The following NEO1 variants were observed in gnomAD, a reference collection of about 807,000 sequenced individuals.
The protein encoded by NEO1 is neogenin 1.
In NEO1, 63 loss-of-function variants were observed where a neutral mutation model predicts 159.7. The observed-to-expected ratio is 0.39, with a 90% CI of 0.32 to 0.49. The LOEUF (loss-of-function observed/expected upper bound fraction) is 0.49, where lower values mean the gene tolerates loss of function less well. Ranked by LOEUF, NEO1 falls within the 20% of genes least tolerant of loss-of-function variation. NEO1 has a pLI of 0.85. For synonymous variants in NEO1, 633 were observed against 662.0 expected, an observed-to-expected ratio of 0.96 and a Z score of 0.67; for missense variants, 1,615 against 1,831.0, an observed-to-expected ratio of 0.88 and a Z score of 2.15.
At chr15:73,209,438 G>A (rs2152082204) in intron 7 of NEO1, among the ~76,000 whole-genome samples, 1 of 152,264 alleles carries the variant, frequency 6.6e-6, no homozygotes, top group East Asian at 1.9e-4. Context: ...TGCTTCATTT[G>A]AATGTCTTTA....
At chr15:73,088,027 C>A (rs2069461255) in intron 1 of NEO1, among the ~76,000 whole-genome samples, 1 of 151,998 alleles carries the variant, frequency 6.6e-6, no homozygotes, top group African/African-American at 2.4e-5. Context: ...TAAGGCTGCT[C>A]ACACACATTG....
At chr15:73,249,780 G>A in intron 11 of NEO1, 59 bp downstream of exon 11, 1 of 1,525,466 alleles carries the variant, frequency 6.6e-7, no homozygotes, top group Non-Finnish European at 8.8e-7. Flanking sequence ...TGGTTTAGTT[G>A]TAAGATCATG....
At chr15:73,152,284 G>A (rs1346944111) in intron 5 of NEO1, among the ~76,000 whole-genome samples, 1 of 152,124 alleles carries the variant, frequency 6.6e-6, no homozygotes, top group African/African-American at 2.4e-5. Context: ...ATCTTCCCCA[G>A]CCTTTCTGAT....
At chr15:73,152,302 T>G (rs1381443826) in intron 5 of NEO1, among the ~76,000 whole-genome samples, 1 of 152,120 alleles carries the variant, frequency 6.6e-6, no homozygotes, top group Admixed American at 6.5e-5. Flanking sequence ...GATGGTGGGT[T>G]TTAGGACCCT....
At chr15:73,087,963 G>GTT (rs550433671) in intron 1 of NEO1, among the ~76,000 whole-genome samples, 1 of 151,728 alleles carries the variant, frequency 6.6e-6, no homozygotes. Flanking sequence ...TCTTTTATGT[G>GTT]TTTTTTTCCT....
intron 5 of NEO1, among the ~76,000 whole-genome samples, chr15:73,171,612 CTATTAT>C (rs10549726): frequency 0.082 from 11,441 of 138,848 alleles, 510 homozygotes; most frequent in African/African-American, 0.12. Flanking sequence ...TATTAAGAAA[CTATTAT>C]TATTATTATT....
intron 5 of NEO1, among the ~76,000 whole-genome samples, chr15:73,175,314 A>G (rs2035218852): frequency 6.6e-6 from 1 of 152,194 alleles, no homozygotes; most frequent in African/African-American, 2.4e-5. Flanking sequence ...AATTTTAAAA[A>G]ATTTAAAGTA....
At chr15:73,223,158 G>T (rs2038385034) in intron 7 of NEO1, among the ~76,000 whole-genome samples, 1 of 152,180 alleles carries the variant, frequency 6.6e-6, no homozygotes, top group South Asian at 2.1e-4. Context: ...CTGAGAGAGT[G>T]CTTGATATAA....
At chr15:73,071,861 A>G (rs781587840) in intron 1 of NEO1, among the ~76,000 whole-genome samples, 8 of 152,054 alleles carry the variant, frequency 5.3e-5, no homozygotes, top group Non-Finnish European at 1.2e-4. Context: ...ATTGAAAACA[A>G]TTGCCGTTCT....
At chr15:73,166,709 C>A (rs1173207777) in intron 5 of NEO1, among the ~76,000 whole-genome samples, 1 of 152,168 alleles carries the variant, frequency 6.6e-6, no homozygotes, top group East Asian at 1.9e-4. Flanking sequence ...ATCTGGGGAT[C>A]AGCAGAAAAG....
chr15:73,085,530 A>G (rs1182351803), intron 1 of NEO1, among the ~76,000 whole-genome samples: 2 of 152,166 alleles, frequency 1.3e-5, no homozygotes, highest in African/African-American at 2.4e-5. Flanking sequence ...TAAGTGTTTA[A>G]CTTTATGAGA....
chr15:73,134,852 C>G lies in NEO1; in HGVS notation c.879-1039C>G, dbSNP rs1238501905. ...TCTATATGAAAAGCCAAATTATAATCAGAACGTTTTTTAATTGATCCATGG... is the reference window on the plus strand; with the variant it reads ...TCTATATGAAAAGCCAAATTATAATGAGAACGTTTTTTAATTGATCCATGG... On this transcript the variant is annotated intron_variant, in intron 4 of 28. Transcript: ENST00000261908. 3.9e-5 allele frequency among the ~76,000 whole-genome samples: 6 copies of G among 152,112 alleles called. No homozygotes were observed. The South Asian group carries it at 1.2e-3, about 32-fold the overall frequency.
chr15:73,069,999 A>G (rs2068456573), intron 1 of NEO1, among the ~76,000 whole-genome samples: 1 of 152,208 alleles, frequency 6.6e-6, no homozygotes. Context: ...GTGGCCAAAA[A>G]GTAGATTGGA....
At chr15:73,151,380 TA>T (rs922304646) in intron 5 of NEO1, among the ~76,000 whole-genome samples, 7 of 151,958 alleles carry the variant, frequency 4.6e-5, no homozygotes, top group African/African-American at 9.7e-5. Flanking sequence ...TAGTGGACAA[TA>T]AAAAAAATTG....
At position 73,185,050 on chromosome 15, in the gene NEO1, G is replaced by A. The variant is rs145392845; in HGVS notation, c.1291+6623G>A. On this transcript the variant is annotated intron_variant, in intron 7 of 28. Transcript: ENST00000261908. ...AGCCAATTTGAAAGGGCTAAAAACC[G>A]TGTGATTCCAACTACATGACATTCT... Among the ~76,000 whole-genome samples, 768 of 152,278 alleles carry A rather than the reference G, an allele frequency of 5.0e-3. 24 individuals carry two copies. The highest frequency in any genetic ancestry group is 0.041 in the Admixed American group (629 of 15,300).
chr15:73,283,422 G>T (rs1387694350), intron 23 of NEO1, among the ~76,000 whole-genome samples: 1 of 152,234 alleles, frequency 6.6e-6, no homozygotes. Flanking sequence ...GCCTGAAAGG[G>T]CAAGAGGAGA....
rs2042682641 is a variant in NEO1, at chr15:73,303,137, G to A, written c.*441G>A. 1 of 158,796 alleles carries A rather than the reference G, an allele frequency of 6.3e-6. No individual in the cohort carries two copies. The highest frequency in any genetic ancestry group is 1.4e-5 in the Non-Finnish European group (1 of 71,500). The allele number at this position is 158,796 out of a possible 1,614,324, so 9.8% of individuals were successfully genotyped here. ...AAAAACGCCATCCAAAACCAAGGAA[G>A]TCCTTGGTGTTCTCCACAAGTGGTT... On this transcript the variant is annotated 3_prime_UTR_variant, in exon 29 of 29. Coordinates refer to ENST00000261908, the MANE Select transcript of NEO1 (RefSeq NM_002499.4).
At chr15:73,086,307 C>A (rs1242082642) in intron 1 of NEO1, among the ~76,000 whole-genome samples, 1 of 152,074 alleles carries the variant, frequency 6.6e-6, no homozygotes, top group Non-Finnish European at 1.5e-5. Context: ...TTTGCCTATC[C>A]CACATTGTCT....
intron 27 of NEO1, among the ~76,000 whole-genome samples, chr15:73,301,102 A>G (rs1213547687): frequency 6.6e-6 from 1 of 152,166 alleles, no homozygotes; most frequent in Admixed American, 6.5e-5. Flanking sequence ...CTGGACTAGG[A>G]TATTGGTTTT....
Sources: gnomAD v4.1 joint callset for allele counts (sites outside exome capture counted in the v4.1 genomes callset) on GRCh38, gnomAD v4.1.1 for gene constraint, MANE v1.5 for transcripts, NCBI Gene and HGNC (gene_info 2026-07-23, HGNC 2026-07-21) for gene names.